LRP1B: variants seen among roughly 807,000 people sequenced by gnomAD.
LRP1B encodes the protein LDL receptor related protein 1B.
In LRP1B, 217 loss-of-function variants were observed where a neutral mutation model predicts 556.6. The observed-to-expected ratio is 0.39, with a 90% CI of 0.35 to 0.44. The LOEUF is 0.44. LRP1B is among the 20% of genes least tolerant of loss of function. The pLI, the probability that LRP1B is intolerant of heterozygous loss-of-function variation, is 1.00. For synonymous variants in LRP1B, 2,047 were observed against 1,865.8 expected (o/e 1.10, Z -2.50); for missense variants, 5,053 against 5,620.8 (o/e 0.90, Z 3.23).
At chr2:141,773,593 C>G (rs919964223) in intron 2 of LRP1B, among the ~76,000 whole-genome samples, 1 of 152,212 alleles carries the variant, frequency 6.6e-6, no homozygotes, top group Admixed American at 6.5e-5. Context: ...CAAGACATGG[C>G]ACCTCTTTTA....
intron 2 of LRP1B, among the ~76,000 whole-genome samples, chr2:141,523,761 C>T (rs1684603745): frequency 6.6e-6 from 1 of 152,132 alleles, no homozygotes; most frequent in Admixed American, 6.6e-5. Context: ...CAGAAGGACA[C>T]TTTGTTAGTG....
intron 1 of LRP1B, among the ~76,000 whole-genome samples, chr2:141,971,570 A>T (rs1164677473): frequency 6.6e-6 from 1 of 151,424 alleles, no homozygotes; most frequent in Non-Finnish European, 1.5e-5. Flanking sequence ...ACGGGCATCC[A>T]GAGGGATTTT....
At chr2:140,934,763 T>C (rs1695154030) in intron 20 of LRP1B, among the ~76,000 whole-genome samples, 3 of 152,082 alleles carry the variant, frequency 2.0e-5, no homozygotes, top group African/African-American at 7.2e-5. Flanking sequence ...ATTGCACCTC[T>C]CTCCATCGTT....
chr2:140,734,046 C>T (rs913974258), intron 35 of LRP1B, among the ~76,000 whole-genome samples: 11 of 152,080 alleles, frequency 7.2e-5, no homozygotes, highest in African/African-American at 2.7e-4. Flanking sequence ...GATGATCAAC[C>T]ATAATATATG....
At chr2:141,411,998 T>C (rs1690869841) in intron 3 of LRP1B, among the ~76,000 whole-genome samples, 1 of 152,064 alleles carries the variant, frequency 6.6e-6, no homozygotes, top group Non-Finnish European at 1.5e-5. Flanking sequence ...CTAGATTGTC[T>C]TGAAATATAA....
chr2:140,726,032 C>T (rs973685408), intron 35 of LRP1B, among the ~76,000 whole-genome samples: 5 of 152,130 alleles, frequency 3.3e-5, no homozygotes, highest in African/African-American at 1.2e-4. Flanking sequence ...ACTACTTAGT[C>T]ACGAGTAGGG....
chr2:141,364,270 AACACACACAC>A, intron 3 of LRP1B, among the ~76,000 whole-genome samples: 1 of 148,732 alleles, frequency 6.7e-6, no homozygotes, highest in East Asian at 2.0e-4. Context: ...TGGAGGAAAT[AACACACACAC>A]ACACACACAC....
intron 2 of LRP1B, among the ~76,000 whole-genome samples, chr2:141,543,549 A>G (rs1403741566): frequency 1.3e-5 from 2 of 149,778 alleles, no homozygotes; most frequent in Non-Finnish European, 3.0e-5. Flanking sequence ...GTTACACCAT[A>G]TAATTTTCTT....
At chr2:142,083,489 T>C (rs1705796754) in intron 1 of LRP1B, among the ~76,000 whole-genome samples, 1 of 152,222 alleles carries the variant, frequency 6.6e-6, no homozygotes, top group Non-Finnish European at 1.5e-5. Context: ...CCATAATGCC[T>C]CTGAAAAGGC....
chr2:141,573,986 A>G (rs1463541334), intron 2 of LRP1B, among the ~76,000 whole-genome samples: 1 of 152,174 alleles, frequency 6.6e-6, no homozygotes, highest in Non-Finnish European at 1.5e-5. Context: ...CCAGGACTAG[A>G]TAGAGTTACA....
At chr2:141,097,426 G>A (rs1700350333) in intron 7 of LRP1B, among the ~76,000 whole-genome samples, 1 of 152,032 alleles carries the variant, frequency 6.6e-6, no homozygotes, top group Admixed American at 6.6e-5. Flanking sequence ...TTCAAAGAGG[G>A]GGAGTAAGAA....
intron 18 of LRP1B, among the ~76,000 whole-genome samples, chr2:140,962,745 T>C (rs1696074559): frequency 6.6e-6 from 1 of 152,238 alleles, no homozygotes; most frequent in Non-Finnish European, 1.5e-5. Flanking sequence ...AACTACACAA[T>C]GCTGTGCTTC....
chr2:140,878,445 G>A (rs1693374888), intron 25 of LRP1B, among the ~76,000 whole-genome samples: 1 of 151,918 alleles, frequency 6.6e-6, no homozygotes, highest in African/African-American at 2.4e-5. Context: ...AATAGAAAAT[G>A]GAACAAAGGT....
intron 3 of LRP1B, among the ~76,000 whole-genome samples, chr2:141,466,289 C>A (rs1682196336): frequency 6.6e-6 from 1 of 152,112 alleles, no homozygotes; most frequent in African/African-American, 2.4e-5. Flanking sequence ...AATTAATGAC[C>A]AGCTCTCTTT....
chr2:141,126,551 T>C (rs112743491), intron 7 of LRP1B, among the ~76,000 whole-genome samples: 3,634 of 152,246 alleles, frequency 0.024, 152 homozygotes, highest in African/African-American at 0.084. Context: ...TCATTGAAGT[T>C]TTTTTTCTTC....
At chr2:142,005,552 G>A (rs1702774490) in intron 1 of LRP1B, among the ~76,000 whole-genome samples, 1 of 152,016 alleles carries the variant, frequency 6.6e-6, no homozygotes, top group Non-Finnish European at 1.5e-5. Flanking sequence ...TTTAATGCAA[G>A]CCAAGTTACT....
chr2:140,271,201 A>G (rs2104945632), intron 85 of LRP1B, among the ~76,000 whole-genome samples: 1 of 152,096 alleles, frequency 6.6e-6, no homozygotes, highest in South Asian at 2.1e-4. Context: ...TGAATGCAGA[A>G]ATGTGCATCA....
chr2:140,375,301 T>C (rs1377919346), intron 68 of LRP1B, among the ~76,000 whole-genome samples: 1 of 152,020 alleles, frequency 6.6e-6, no homozygotes, highest in Non-Finnish European at 1.5e-5. Flanking sequence ...TTGTGCACTT[T>C]GTACACTCTC....
At chr2:141,693,534 A>G (rs1038386858) in intron 2 of LRP1B, among the ~76,000 whole-genome samples, 2 of 152,052 alleles carry the variant, frequency 1.3e-5, no homozygotes, top group Non-Finnish European at 2.9e-5. Context: ...GAATAATAAT[A>G]GTAATTCAAA....
Sources: allele counts gnomAD v4.1 joint callset (sites outside exome capture counted in the v4.1 genomes callset), GRCh38; gene constraint gnomAD v4.1.1; transcripts MANE v1.5; gene names NCBI Gene and HGNC (gene_info 2026-07-23, HGNC 2026-07-21).